U2SURP: variants seen among roughly 807,000 people sequenced by gnomAD.
The protein encoded by U2SURP is U2 snRNP-associated SURP motif-containing protein.
A neutral mutation model predicts 144.9 loss-of-function variants in U2SURP; 9 were observed. The ratio of observed to expected loss-of-function variants is 0.06; its 90% CI spans 0.04 to 0.11. The LOEUF (loss-of-function observed/expected upper bound fraction) is 0.11. Ranked by LOEUF, U2SURP falls within the 10% of genes least tolerant of loss-of-function variation. The pLI is 1.00. For missense variants in U2SURP, 724 were observed against 1,226.7 expected (o/e 0.59, Z 6.12); for synonymous variants, 408 against 396.8 (o/e 1.03, Z -0.33).
At chr3:143,029,796 T>TA (rs1933374111) in intron 16 of U2SURP, among the ~76,000 whole-genome samples, 1 of 152,196 alleles carries the variant, frequency 6.6e-6, no homozygotes, top group Non-Finnish European at 1.5e-5. Flanking sequence ...GAAGAGTTTT[T>TA]AAAGGAAATT....
rs778388132 is a variant in U2SURP at position 143,001,620 on chromosome 3, A to G, written c.-9A>G. The G allele has an allele frequency of 6.2e-7, 1 of 1,613,952 alleles. No individual in the cohort carries two copies. The highest frequency in any genetic ancestry group is 8.5e-7 in the Non-Finnish European group (1 of 1,179,874). On this transcript the variant is annotated 5_prime_UTR_variant, in exon 1 of 28. Coordinates refer to ENST00000473835, the MANE Select transcript of U2SURP (RefSeq NM_001080415.2). ...TGCTGCCGCCGCCGAAGGAGGGGCA[A>G]AGCTCAAGATGGCGGACAAAACGCC...
In U2SURP at chr3:143,033,260, T is replaced by C; in HGVS notation, c.1774-11T>C. Reference sequence around the variant, plus strand: ...TATTAACCTATTTTGTGTTATCTTTTGATATTATAGATTGCCAGATTATAT... The same window carrying C: ...TATTAACCTATTTTGTGTTATCTTTCGATATTATAGATTGCCAGATTATAT... On this transcript the variant is annotated splice_polypyrimidine_tract_variant and intron_variant, in intron 17 of 27. Transcript: ENST00000473835. 1 of 1,491,238 alleles carries C rather than the reference T, an allele frequency of 6.7e-7. No homozygotes were observed. Among genetic ancestry groups the C allele is most frequent in the Non-Finnish European group, 9.1e-7 (1 of 1,094,510 alleles). 92.4% of individuals were successfully genotyped at this position (1,491,238 alleles called of 1,614,324 possible). A position where few individuals can be genotyped will look rare whatever the true frequency, so the allele number is the denominator to read the frequency against.
At chr3:143,055,183 T>C in intron 27 of U2SURP, 64 bp downstream of exon 27, 1 of 1,404,664 alleles carries the variant, frequency 7.1e-7, no homozygotes, top group East Asian at 2.7e-5. Context: ...CATCAGCTTT[T>C]GAAAATAATT....
At chr3:143,044,088 C>T (rs9877135) in intron 24 of U2SURP, among the ~76,000 whole-genome samples, 103,991 of 151,824 alleles carry the variant, frequency 0.68, 35,919 homozygotes, top group African/African-American at 0.79. Flanking sequence ...CATAGTTATG[C>T]AACTAGGAAA....
chr3:143,043,516 T>A (rs537647486), intron 24 of U2SURP, among the ~76,000 whole-genome samples: 3 of 152,154 alleles, frequency 2.0e-5, no homozygotes, highest in Non-Finnish European at 4.4e-5. Context: ...ATTTTATATG[T>A]ATTGTGGGGT....
Position 143,053,743 on chromosome 3 carries a change from G to A in U2SURP, c.2723G>A (p.Arg908His), listed in dbSNP as rs1273971924. The A allele has an allele frequency of 4.4e-6, 7 of 1,608,714 alleles. No homozygotes were observed. The highest frequency in any genetic ancestry group is 3.3e-4 in the Middle Eastern group (2 of 6,064). ...DKKDKEKLES[R>H]SKDKKEKDEC... Reference sequence around the variant, plus strand: ...AAAGATAAAGAAAAATTGGAATCTCGCTCCAAAGACAAGAAGGAAAAAGAT... The same window carrying A: ...AAAGATAAAGAAAAATTGGAATCTCACTCCAAAGACAAGAAGGAAAAAGAT... Residue 908 changes from arginine (R) to histidine (H), a missense_variant, in exon 26 of 28, where the codon CGC (arginine) becomes CAC (histidine). Physicochemically the swap from Arg to His is conservative, Grantham distance 29. This residue lies in a region of U2SURP where 129 missense variants were observed against 196.1 expected (regional missense o/e 0.66). Coordinates refer to ENST00000473835, the MANE Select transcript of U2SURP (RefSeq NM_001080415.2).
chr3:143,042,316 A>C (rs1934157188), intron 23 of U2SURP, among the ~76,000 whole-genome samples: 1 of 152,158 alleles, frequency 6.6e-6, no homozygotes, highest in East Asian at 1.9e-4. Context: ...TGTGCTAATC[A>C]GATAAGGTCT....
In U2SURP at chr3:143,028,346, A is replaced by G; in HGVS notation, c.1386A>G (p.Leu462=). 1.2e-6 allele frequency: 2 copies of G among 1,611,580 alleles called. No homozygotes were observed. Among genetic ancestry groups the G allele is most frequent in the Non-Finnish European group, 8.5e-7 (1 of 1,178,736 alleles). The part of the protein sequence containing the change: ...REINNPMFRF[L]FENQTPAHVY... ...GTTTGTTTGTTTTGTGTAGGTTCTT[A>G]TTTGAAAACCAGACACCAGCCCATG... The change falls in exon 15 of 28, where the codon TTA becomes TTG. Residue 462 remains leucine, a synonymous_variant. Coordinates refer to ENST00000473835, the MANE Select transcript of U2SURP (RefSeq NM_001080415.2).
At position 143,014,348 on chromosome 3, in the gene U2SURP, GA is replaced by G; in HGVS notation, c.265del (p.Met89Ter). Reference protein sequence around the residue: ...LENKLKAFSIGKMSTAKRTLS... With the variant: ...LENKLKAFSIXKMSTAKRTLS... ...AACAAACTTAAAGCATTCAGTATTGGAAAAATGAGTACAGCTAAGCGAACTT... is the reference window on the plus strand; with the variant it reads ...AACAAACTTAAAGCATTCAGTATTGGAAAATGAGTACAGCTAAGCGAACTT... On this transcript the variant is annotated frameshift_variant, in exon 4 of 28. Coordinates refer to ENST00000473835, the MANE Select transcript of U2SURP (RefSeq NM_001080415.2). LOFTEE classifies it high-confidence loss of function. 1 of 1,608,940 alleles carries G rather than the reference GA, an allele frequency of 6.2e-7. No homozygotes were observed. Among genetic ancestry groups the G allele is most frequent in the South Asian group, 1.1e-5 (1 of 90,258 alleles).
intron 14 of U2SURP, 125 bp from the exon 15 acceptor site, chr3:143,028,215 G>A: frequency 2.6e-6 from 3 of 1,137,672 alleles, no homozygotes; most frequent in Non-Finnish European, 3.7e-6. Context: ...ATTCTCTTCA[G>A]GGATCTTTGT....
At chr3:143,017,021 C>T (rs778135702) in intron 6 of U2SURP, 46 bp downstream of exon 6, 5 of 1,516,490 alleles carry the variant, frequency 3.3e-6, no homozygotes, top group Non-Finnish European at 4.4e-6. Flanking sequence ...AGAGATGACA[C>T]TGCCAGTGAT....
intron 4 of U2SURP, among the ~76,000 whole-genome samples, chr3:143,015,019 A>C (rs190022297): frequency 6.6e-6 from 1 of 152,140 alleles, no homozygotes. Flanking sequence ...TTGAGTGATA[A>C]ATGCATAAAT....
intron 4 of U2SURP, among the ~76,000 whole-genome samples, chr3:143,015,898 A>G (rs539445838): frequency 1.1e-4 from 17 of 152,260 alleles, no homozygotes; most frequent in African/African-American, 3.1e-4. Context: ...AAATATTTAT[A>G]TTCACTGAAT....
At chr3:143,017,554 A>G (rs1057422005) in intron 6 of U2SURP, among the ~76,000 whole-genome samples, 2 of 152,166 alleles carry the variant, frequency 1.3e-5, no homozygotes, top group Non-Finnish European at 2.9e-5. Context: ...TGTGGCTTAA[A>G]AAATATCTCT....
chr3:143,017,928 AAGTATAC>A (rs1251368223), intron 6 of U2SURP, among the ~76,000 whole-genome samples: 1 of 151,658 alleles, frequency 6.6e-6, no homozygotes, highest in East Asian at 2.0e-4. Flanking sequence ...TATCCTTTTA[AAGTATAC>A]AGTTGACTAG....
chr3:143,008,929 A>G (rs886730527), intron 1 of U2SURP, among the ~76,000 whole-genome samples: 76 of 152,156 alleles, frequency 5.0e-4, no homozygotes, highest in African/African-American at 1.8e-3. Context: ...TTGTATTTTT[A>G]GTAGAGATGG....
chr3:143,032,292 T>C (rs6783145), intron 16 of U2SURP, among the ~76,000 whole-genome samples: 102,609 of 152,018 alleles, frequency 0.67, 34,849 homozygotes, highest in African/African-American at 0.75. Context: ...AGGATGGTCT[T>C]GATCTCTTGA....
rs912844495 is a variant in U2SURP, at chr3:143,057,544, CTA to C, written c.*1096_*1097del. Reference sequence around the variant, plus strand: ...TTTAAACCATTTGCAGAGTTGAACTCTATTATGAAAATAAATTTGCTACGGTA... The same window carrying C: ...TTTAAACCATTTGCAGAGTTGAACTCTTATGAAAATAAATTTGCTACGGTA... On this transcript the variant is annotated 3_prime_UTR_variant, in exon 28 of 28. Transcript: ENST00000473835. The C allele has an allele frequency of 4.6e-5, 7 of 151,932 alleles. No individual in the cohort carries two copies. The highest frequency in any genetic ancestry group is 1.2e-4 in the African/African-American group (5 of 41,372). The allele number at this position is 151,932 out of a possible 1,614,324, so 9.4% of individuals were successfully genotyped here.
intron 16 of U2SURP, among the ~76,000 whole-genome samples, chr3:143,030,966 G>A (rs1933449184): frequency 6.6e-6 from 1 of 152,174 alleles, no homozygotes; most frequent in Non-Finnish European, 1.5e-5. Context: ...CTTGGAAGAA[G>A]TTAGTCCCTC....
Sources: gnomAD v4.1 joint callset for allele counts (sites outside exome capture counted in the v4.1 genomes callset) on GRCh38, gnomAD v4.1.1 for gene constraint, gnomAD v4.1.1 regional missense constraint, MANE v1.5 for transcripts, NCBI Gene and HGNC (gene_info 2026-07-23, HGNC 2026-07-21) for gene names.